The following KAT6B variants were observed in gnomAD, a reference collection of about 807,000 sequenced individuals.
KAT6B encodes lysine acetyltransferase 6B, also known as histone acetyltransferase KAT6B.
KAT6B carries 10 observed loss-of-function variants against 187.5 expected under a neutral mutation model. The ratio of observed to expected loss-of-function variants is 0.05; its 90% CI spans 0.03 to 0.09. The LOEUF is 0.09. Ranked by LOEUF, KAT6B falls within the 10% of genes least tolerant of loss-of-function variation. The probability of loss-of-function intolerance (pLI) is 1.00; values close to 1 mark genes in which losing one functional copy is unlikely to be tolerated. For missense variants in KAT6B, 1,952 were observed against 2,558.9 expected (o/e 0.76, Z 5.12); for synonymous variants, 861 against 926.8 (o/e 0.93, Z 1.29).
chr10:74,993,101 A>G (rs566725657), intron 13 of KAT6B, among the ~76,000 whole-genome samples: 26 of 152,240 alleles, frequency 1.7e-4, no homozygotes, highest in Non-Finnish European at 3.2e-4. Flanking sequence ...CCTTGCCCAC[A>G]AAACATTTGC....
intron 3 of KAT6B, among the ~76,000 whole-genome samples, chr10:74,959,578 T>A (rs986427191): frequency 4.6e-5 from 7 of 152,064 alleles, no homozygotes; most frequent in African/African-American, 7.2e-5. Flanking sequence ...GATTATGAGG[T>A]CAGGAGATCG....
At chr10:74,983,812 C>T (rs188398765) in intron 11 of KAT6B, 3 of 152,088 alleles carry the variant, frequency 2.0e-5, no homozygotes, top group Non-Finnish European at 2.9e-5. Flanking sequence ...TGATAAGTAC[C>T]GAGGTCCCTA....
chr10:74,852,663 A>G (rs985355138), intron 3 of KAT6B, among the ~76,000 whole-genome samples: 1 of 152,226 alleles, frequency 6.6e-6, no homozygotes, highest in East Asian at 1.9e-4. Context: ...AGCTTTTATC[A>G]AGATGGGACT....
At chr10:74,830,684 G>A (rs1174368380) in intron 1 of KAT6B, among the ~76,000 whole-genome samples, 2 of 115,202 alleles carry the variant, frequency 1.7e-5, no homozygotes, top group African/African-American at 6.5e-5. Context: ...TAGCCAATAT[G>A]GTAAATTTTG....
intron 1 of KAT6B, among the ~76,000 whole-genome samples, chr10:74,838,007 G>A (rs1841442150): frequency 1.3e-5 from 2 of 152,102 alleles, no homozygotes; most frequent in Non-Finnish European, 2.9e-5. Context: ...GGGGAGGGGA[G>A]AAGGAGGATC....
At chr10:74,944,453 A>G (rs1275807351) in intron 3 of KAT6B, among the ~76,000 whole-genome samples, 1 of 152,234 alleles carries the variant, frequency 6.6e-6, no homozygotes, top group Non-Finnish European at 1.5e-5. Flanking sequence ...TCTAACAGAA[A>G]CTGTACAAAA....
At chr10:74,868,953 C>T (rs12220684) in intron 3 of KAT6B, among the ~76,000 whole-genome samples, 1 of 152,188 alleles carries the variant, frequency 6.6e-6, no homozygotes, top group Admixed American at 6.5e-5. Context: ...TTCTGCCCTG[C>T]TGCTGTTTTA....
rs1028333030 is a variant in KAT6B, at chr10:74,843,434, T to C, written c.577T>C (p.Ser193Pro). 5.0e-6 allele frequency: 8 copies of C among 1,613,966 alleles called. No individual in the cohort carries two copies. Among genetic ancestry groups the C allele is most frequent in the Non-Finnish European group, 6.8e-6 (8 of 1,180,018 alleles). ...ACCTCAGTATCCCAGTGCATTCCCA[T>C]CCTCGCTCCCACCTGTCAGCCTTCT... ...GAPQYPSAFPSSLPPVSLLPH... is the reference protein window; with the variant it reads ...GAPQYPSAFPPSLPPVSLLPH... The change falls in exon 3 of 18, where the codon TCC becomes CCC. Residue 193 changes from serine to proline, a missense_variant. By Grantham distance (74) the Ser-to-Pro change is moderately conservative (BLOSUM62 -1). Around this residue, in one of 9 missense-constraint regions of KAT6B, gnomAD observed 218 missense variants for 282.6 expected, o/e 0.77. Coordinates refer to ENST00000287239, the MANE Select transcript of KAT6B (RefSeq NM_012330.4).
chr10:74,915,254 GA>G (rs1208100936), intron 3 of KAT6B, among the ~76,000 whole-genome samples: 3 of 152,136 alleles, frequency 2.0e-5, no homozygotes, highest in Admixed American at 6.5e-5. Context: ...GTGGTTTTAA[GA>G]ATCATTCCAT....
chr10:74,884,930 G>A (rs1423114462), intron 3 of KAT6B, among the ~76,000 whole-genome samples: 1 of 152,082 alleles, frequency 6.6e-6, no homozygotes, highest in African/African-American at 2.4e-5. Flanking sequence ...CTTTGATGAT[G>A]GAAATTTTCT....
Position 75,030,151 on chromosome 10 carries a change from C to A in KAT6B, c.5327C>A (p.Thr1776Asn), listed in dbSNP as rs747908108. The change falls in exon 18 of 18, where the codon ACC (threonine) becomes AAC (asparagine). Residue 1776 changes from threonine (T) to asparagine (N), a missense_variant. This residue lies in a region of KAT6B where 358 missense variants were observed against 436.3 expected (regional missense o/e 0.82). Transcript: ENST00000287239. The surrounding 1 kb of genome is among the most constrained non-coding windows in gnomAD (Gnocchi z 4.8). Reference protein sequence around the residue: ...LAQCSMAANFTPPMQLAEIPE... With the variant: ...LAQCSMAANFNPPMQLAEIPE... ...CAGTGCAGCATGGCTGCTAACTTCA[C>A]CCCACCCATGCAGCTGGCTGAAATC... The A allele has an allele frequency of 6.2e-6, 10 of 1,614,264 alleles. No homozygotes were observed. Among genetic ancestry groups the A allele is most frequent in the Admixed American group, 3.3e-5 (2 of 60,034 alleles).
At position 74,994,943 on chromosome 10, in the gene KAT6B, A is replaced by G. The variant is rs138685053; in HGVS notation, c.2629+5831A>G. Among the ~76,000 whole-genome samples the G allele has an allele frequency of 3.2e-3, 485 of 152,280 alleles. 1 individual carries two copies. Among genetic ancestry groups the G allele is most frequent in the Non-Finnish European group, 6.0e-3 (406 of 68,024 alleles). ...TATTTATATCCATGTATGTGCACAT[A>G]TACATATGGGTGTTATAAACACATA... On this transcript the variant is annotated intron_variant, in intron 13 of 17. Coordinates refer to ENST00000287239, the MANE Select transcript of KAT6B (RefSeq NM_012330.4).
At chr10:74,891,822 A>G (rs952317621) in intron 3 of KAT6B, among the ~76,000 whole-genome samples, 15 of 152,208 alleles carry the variant, frequency 9.9e-5, no homozygotes, top group Admixed American at 1.3e-4. Context: ...TATCATTACC[A>G]GTGTTGTTTT....
intron 3 of KAT6B, among the ~76,000 whole-genome samples, chr10:74,914,250 A>C: frequency 6.6e-6 from 1 of 152,172 alleles, no homozygotes; most frequent in East Asian, 1.9e-4. Flanking sequence ...TTTTGTTCAC[A>C]CAGTGTATCA....
chr10:75,012,074 A>G (rs971784345), intron 13 of KAT6B, among the ~76,000 whole-genome samples: 1 of 152,188 alleles, frequency 6.6e-6, no homozygotes, highest in Admixed American at 6.5e-5. Flanking sequence ...GAACACAGAC[A>G]TCTGTGGCTT....
At chr10:74,873,447 A>T (rs905010550) in intron 3 of KAT6B, among the ~76,000 whole-genome samples, 1 of 139,878 alleles carries the variant, frequency 7.1e-6, no homozygotes, top group Non-Finnish European at 1.5e-5. Context: ...TCTGAGCAGC[A>T]GCAAAATAAA....
intron 9 of KAT6B, among the ~76,000 whole-genome samples, chr10:74,978,941 C>G (rs896006371): frequency 2.0e-5 from 3 of 152,164 alleles, no homozygotes; most frequent in Admixed American, 2.0e-4. Context: ...ATTTCCTTTG[C>G]TATATTGTTT....
intron 3 of KAT6B, among the ~76,000 whole-genome samples, chr10:74,907,463 C>T (rs1025799649): frequency 1.1e-4 from 16 of 152,194 alleles, no homozygotes; most frequent in African/African-American, 3.6e-4. Flanking sequence ...CACACTGCTT[C>T]GTGATGGCTT....
chr10:74,858,776 G>A (rs981345858), intron 3 of KAT6B, among the ~76,000 whole-genome samples: 2 of 151,808 alleles, frequency 1.3e-5, no homozygotes, highest in East Asian at 3.9e-4. Context: ...GCAACATGGC[G>A]AAACCCCATC....
Sources: gnomAD v4.1 joint callset for allele counts (sites outside exome capture counted in the v4.1 genomes callset) on GRCh38, gnomAD v4.1.1 for gene constraint, gnomAD v4.1.1 regional missense constraint, Gnocchi (gnomAD v3.1) non-coding constraint, MANE v1.5 for transcripts, NCBI Gene and HGNC (gene_info 2026-07-23, HGNC 2026-07-21) for gene names.